CTNNA2: variants seen among roughly 807,000 people sequenced by gnomAD.
CTNNA2 encodes the protein catenin alpha 2.
CTNNA2 carries 42 observed loss-of-function variants against 101.0 expected under a neutral mutation model. That is an observed-to-expected ratio of 0.42 (90% CI 0.32 to 0.54). The LOEUF is 0.54. CTNNA2 is among the 20% of genes least tolerant of loss of function. CTNNA2 has a pLI of 0.14. For missense variants in CTNNA2, 871 were observed against 1,223.1 expected (o/e 0.71, Z 4.29); for synonymous variants, 450 against 456.4 (o/e 0.99, Z 0.18).
chr2:80,568,918 GTGTT>G (rs1694308827), intron 12 of CTNNA2, among the ~76,000 whole-genome samples: 1 of 152,126 alleles, frequency 6.6e-6, no homozygotes, highest in Non-Finnish European at 1.5e-5. Flanking sequence ...GATGCTTTTT[GTGTT>G]TGTTTCTTGA....
chr2:79,499,871 G>A (rs569503320), intron 4 of CTNNA2, among the ~76,000 whole-genome samples: 22 of 152,334 alleles, frequency 1.4e-4, no homozygotes, highest in African/African-American at 5.3e-4. Flanking sequence ...GTAAGTAATT[G>A]ACTCGTGATT....
At chr2:79,998,691 A>G (rs984727531) in intron 7 of CTNNA2, among the ~76,000 whole-genome samples, 5 of 152,230 alleles carry the variant, frequency 3.3e-5, no homozygotes, top group African/African-American at 7.2e-5. Context: ...TAATAGAGAA[A>G]TGAAAGGAAA....
intron 7 of CTNNA2, among the ~76,000 whole-genome samples, chr2:80,208,518 T>G (rs868556732): frequency 3.3e-5 from 5 of 152,158 alleles, no homozygotes; most frequent in African/African-American, 1.2e-4. Context: ...GAACAATAGC[T>G]TGCATGAAAG....
At chr2:80,517,898 C>T (rs762731629) in intron 9 of CTNNA2, among the ~76,000 whole-genome samples, 1 of 152,160 alleles carries the variant, frequency 6.6e-6, no homozygotes, top group African/African-American at 2.4e-5. Context: ...GTATTGAAAA[C>T]ATTGGCTTGT....
At chr2:79,317,484 G>A (rs1025540841) in intron 3 of CTNNA2, among the ~76,000 whole-genome samples, 1 of 152,000 alleles carries the variant, frequency 6.6e-6, no homozygotes, top group Non-Finnish European at 1.5e-5. Context: ...AAGCTCATTT[G>A]AGTAAAATCA....
At chr2:80,148,490 A>G (rs1195395727) in intron 7 of CTNNA2, among the ~76,000 whole-genome samples, 1 of 152,252 alleles carries the variant, frequency 6.6e-6, no homozygotes, top group Non-Finnish European at 1.5e-5. Context: ...AAACTGAGGC[A>G]GGAGCTCATG....
chr2:79,306,103 G>A (rs1456079498), intron 2 of CTNNA2, among the ~76,000 whole-genome samples: 1 of 149,644 alleles, frequency 6.7e-6, no homozygotes, highest in East Asian at 2.0e-4. Flanking sequence ...TAAACCCATA[G>A]GACACTATGT....
At chr2:80,524,472 G>A (rs1689851495) in intron 9 of CTNNA2, among the ~76,000 whole-genome samples, 1 of 152,274 alleles carries the variant, frequency 6.6e-6, no homozygotes, top group African/African-American at 2.4e-5. Flanking sequence ...CCTGCTTAAA[G>A]TTCTGCCCAT....
intron 7 of CTNNA2, among the ~76,000 whole-genome samples, chr2:80,151,388 G>A (rs1273708308): frequency 1.3e-5 from 2 of 152,156 alleles, no homozygotes; most frequent in Non-Finnish European, 2.9e-5. Flanking sequence ...TTGATGAGGA[G>A]TTCTAACACT....
chr2:80,031,521 G>A (rs1261329203), intron 7 of CTNNA2, among the ~76,000 whole-genome samples: 1 of 152,150 alleles, frequency 6.6e-6, no homozygotes, highest in African/African-American at 2.4e-5. Context: ...ATTTACTATC[G>A]TGAGAACAGC....
chr2:79,814,608 T>TACACAC (rs146240455), intron 3 of CTNNA2, among the ~76,000 whole-genome samples: 3,807 of 145,138 alleles, frequency 0.026, 105 homozygotes, highest in African/African-American at 0.069. Context: ...TATGTGTGTA[T>TACACAC]ACACACACAC....
intron 7 of CTNNA2, among the ~76,000 whole-genome samples, chr2:80,388,151 G>C (rs1677186388): frequency 6.6e-6 from 1 of 152,200 alleles, no homozygotes; most frequent in Non-Finnish European, 1.5e-5. Flanking sequence ...AAATTTTAGA[G>C]AAGGGAGATC....
intron 7 of CTNNA2, among the ~76,000 whole-genome samples, chr2:80,177,106 A>T (rs750323902): frequency 6.6e-6 from 1 of 152,154 alleles, no homozygotes; most frequent in Non-Finnish European, 1.5e-5. Flanking sequence ...CCATTCTATC[A>T]GTCCAGCTGC....
intron 7 of CTNNA2, among the ~76,000 whole-genome samples, chr2:80,020,228 A>C (rs1039928664): frequency 6.6e-6 from 1 of 152,234 alleles, no homozygotes; most frequent in African/African-American, 2.4e-5. Flanking sequence ...GCAAAAGACC[A>C]AGGGGAAGTG....
At chr2:79,615,375 A>G (rs888138739) in intron 1 of CTNNA2, among the ~76,000 whole-genome samples, 47 of 152,176 alleles carry the variant, frequency 3.1e-4, no homozygotes, top group Non-Finnish European at 6.0e-4. Flanking sequence ...TTTAAATATG[A>G]CTAAAAAAGT....
chr2:79,289,431 G>C (rs2104371654), intron 2 of CTNNA2, among the ~76,000 whole-genome samples: 1 of 152,206 alleles, frequency 6.6e-6, no homozygotes, highest in East Asian at 1.9e-4. Context: ...ATGGATACAT[G>C]TGACGAGTGG....
intron 4 of CTNNA2, among the ~76,000 whole-genome samples, chr2:79,382,960 G>A (rs981369057): frequency 6.6e-6 from 1 of 152,154 alleles, no homozygotes; most frequent in African/African-American, 2.4e-5. Context: ...AGTATTTAAG[G>A]CAGTCCTGGA....
chr2:79,773,929 T>C (rs1326055708), intron 3 of CTNNA2, among the ~76,000 whole-genome samples: 1 of 152,186 alleles, frequency 6.6e-6, no homozygotes. Context: ...TCTTGGCTGC[T>C]GTATTATTAT....
At chr2:80,171,324 A>G (rs574483970) in intron 7 of CTNNA2, among the ~76,000 whole-genome samples, 2 of 152,354 alleles carry the variant, frequency 1.3e-5, no homozygotes, top group African/African-American at 4.8e-5. Context: ...TGGTTTGTGC[A>G]TGGGCACAGA....
Sources: gnomAD v4.1 joint callset for allele counts (sites outside exome capture counted in the v4.1 genomes callset) on GRCh38, gnomAD v4.1.1 for gene constraint, MANE v1.5 for transcripts, NCBI Gene and HGNC (gene_info 2026-07-23, HGNC 2026-07-21) for gene names.